Variants in LNX1 observed in about 807,000 individuals in gnomAD.
The protein encoded by LNX1 is ligand of numb-protein X 1.
LNX1 carries 54 observed loss-of-function variants against 68.4 expected under a neutral mutation model. The observed-to-expected ratio is 0.79, with a 90% CI of 0.63 to 0.99. The LOEUF (loss-of-function observed/expected upper bound fraction) is 0.99. LNX1 is among the 50% of genes least tolerant of loss of function. The probability of loss-of-function intolerance (pLI) is 0.00; values close to 1 mark genes in which losing one functional copy is unlikely to be tolerated. For synonymous variants in LNX1, 336 were observed against 350.0 expected (o/e 0.96, Z 0.45); for missense variants, 906 against 926.4 (o/e 0.98, Z 0.29).
intron 1 of LNX1, among the ~76,000 whole-genome samples, chr4:53,587,377 C>G (rs1732239008): frequency 1.3e-5 from 2 of 152,118 alleles, no homozygotes; most frequent in Admixed American, 1.3e-4. Context: ...ATCATATTAA[C>G]CCAGGAACAG....
At chr4:53,650,617 G>A (rs1735061172) in intron 1 of LNX1, among the ~76,000 whole-genome samples, 1 of 151,986 alleles carries the variant, frequency 6.6e-6, no homozygotes, top group African/African-American at 2.4e-5. Flanking sequence ...GAGGAAGCTG[G>A]GATTCAAAAT....
At chr4:53,478,772 A>G (rs779553215) in intron 7 of LNX1, 30 bp from the exon 8 acceptor site, 2 of 1,595,584 alleles carry the variant, frequency 1.3e-6, no homozygotes, top group Non-Finnish European at 1.7e-6. Flanking sequence ...AACATGGCAC[A>G]TGAATTCACA....
chr4:53,634,921 G>A (rs556343696), intron 1 of LNX1, among the ~76,000 whole-genome samples: 1 of 151,756 alleles, frequency 6.6e-6, no homozygotes, highest in South Asian at 2.1e-4. Flanking sequence ...CACTGCATGG[G>A]CTTAATTGAT....
At position 53,481,778 on chromosome 4, in the gene LNX1, C is replaced by A. The variant is rs1038902892; in HGVS notation, c.1427G>T (p.Gly476Val). 7 of 1,613,714 alleles carry A rather than the reference C, an allele frequency of 4.3e-6. No individual in the cohort carries two copies. The highest frequency in any genetic ancestry group is 5.9e-6 in the Non-Finnish European group (7 of 1,179,866). The stretch of plus-strand genomic sequence containing the variant: ...GGACCAGCTGCCATTGCTGTTCCAG[C>A]CGGCTTCCTGAAAGATGTCAGGGCT... ...QRSPDIFQEA[G>V]WNSNGSWSPG... The change falls in exon 7 of 11, where the codon GGC becomes GTC. Residue 476 changes from glycine to valine, a missense_variant. Coordinates refer to ENST00000263925, the MANE Select transcript of LNX1 (RefSeq NM_001126328.3).
intron 2 of LNX1, among the ~76,000 whole-genome samples, chr4:53,612,437 C>T (rs538495058): frequency 3.2e-4 from 49 of 152,262 alleles, no homozygotes; most frequent in African/African-American, 1.2e-3. Flanking sequence ...AGCTTGCTTC[C>T]TTTACTTTGT....
At chr4:53,614,679 C>G (rs1222899907) in intron 2 of LNX1, among the ~76,000 whole-genome samples, 1 of 152,170 alleles carries the variant, frequency 6.6e-6, no homozygotes, top group African/African-American at 2.4e-5. Context: ...TAATAAGCAG[C>G]CAAGAATGCT....
Position 53,496,079 on chromosome 4 carries a change from T to C in LNX1, c.1294A>G (p.Ile432Val). The C allele has an allele frequency of 6.2e-7, 1 of 1,614,204 alleles. No homozygotes were observed. Among genetic ancestry groups the C allele is most frequent in the Middle Eastern group, 1.6e-4 (1 of 6,062 alleles). ...CCATATCGAAGATCATGTCCATTGA[T>C]GGCTAACACACGGTCATTCTCCTCA... The part of the protein sequence containing the change: ...QLEENDRVLA[I>V]NGHDLRYGSP... The change falls in exon 6 of 11, where the codon ATC becomes GTC. Residue 432 changes from isoleucine (I) to valine (V), a missense_variant. Physicochemically the swap from Ile to Val is conservative, Grantham distance 29 (BLOSUM62 3). Transcript: ENST00000263925.
At chr4:53,523,338 G>A (rs946319446) in intron 2 of LNX1, 2 of 152,244 alleles carry the variant, frequency 1.3e-5, no homozygotes, top group Non-Finnish European at 2.9e-5. Context: ...CCAGGCTGAA[G>A]TAATATGGCA....
At chr4:53,482,750 A>G (rs767718343) in intron 6 of LNX1, among the ~76,000 whole-genome samples, 4 of 152,212 alleles carry the variant, frequency 2.6e-5, no homozygotes, top group Non-Finnish European at 5.9e-5. Context: ...TATTTGGTAC[A>G]GTGTACACTA....
At chr4:53,563,840 C>T (rs983949613) in intron 2 of LNX1, among the ~76,000 whole-genome samples, 3 of 152,212 alleles carry the variant, frequency 2.0e-5, no homozygotes, top group African/African-American at 7.2e-5. Flanking sequence ...GCCAGGTTAA[C>T]TTCAAATTCT....
At chr4:53,477,184 G>T (rs1388201091) in intron 8 of LNX1, among the ~76,000 whole-genome samples, 1 of 150,584 alleles carries the variant, frequency 6.6e-6, no homozygotes, top group Non-Finnish European at 1.5e-5. Context: ...CTTGTTTGGG[G>T]TTTTCTAAAG....
At chr4:53,634,252 CTTTT>C (rs35451950) in intron 1 of LNX1, among the ~76,000 whole-genome samples, 1 of 142,922 alleles carries the variant, frequency 7.0e-6, no homozygotes, top group Admixed American at 7.0e-5. Flanking sequence ...TCCAGCTTGG[CTTTT>C]TTTTTTTTTG....
chr4:53,490,455 A>G (rs1280041652), intron 6 of LNX1, among the ~76,000 whole-genome samples: 1 of 152,220 alleles, frequency 6.6e-6, no homozygotes, highest in Admixed American at 6.5e-5. Flanking sequence ...TCAGCACCAT[A>G]TTTGAGGCTT....
At chr4:53,596,900 A>G (rs1014926118) in intron 2 of LNX1, among the ~76,000 whole-genome samples, 5 of 152,202 alleles carry the variant, frequency 3.3e-5, no homozygotes, top group East Asian at 1.9e-4. Context: ...AAATCTGAGA[A>G]TGCAACTCTC....
chr4:53,591,147 G>C (rs1461652887), intron 1 of LNX1, among the ~76,000 whole-genome samples: 1 of 152,190 alleles, frequency 6.6e-6, no homozygotes, highest in South Asian at 2.1e-4. Context: ...ACAAGCACAG[G>C]CTGGATTAAT....
chr4:53,600,483 T>C (rs1732951737), intron 2 of LNX1, among the ~76,000 whole-genome samples: 2 of 152,046 alleles, frequency 1.3e-5, no homozygotes, highest in South Asian at 4.2e-4. Flanking sequence ...AAACACAGAT[T>C]ATGGCCAAGG....
At chr4:53,644,655 G>A (rs1734816179) in intron 1 of LNX1, among the ~76,000 whole-genome samples, 1 of 152,160 alleles carries the variant, frequency 6.6e-6, no homozygotes, top group Admixed American at 6.5e-5. Flanking sequence ...GGAGGGAGCG[G>A]GATTCCATGT....
intron 2 of LNX1, among the ~76,000 whole-genome samples, chr4:53,516,935 A>C (rs1579453333): frequency 6.6e-6 from 1 of 152,124 alleles, no homozygotes; most frequent in East Asian, 1.9e-4. Context: ...AGACTCCCTG[A>C]CCATCAATCC....
chr4:53,570,317 T>C (rs1318422680), intron 2 of LNX1, among the ~76,000 whole-genome samples: 3 of 149,734 alleles, frequency 2.0e-5, no homozygotes, highest in Non-Finnish European at 3.0e-5. Flanking sequence ...ATATACACCA[T>C]GGAATACTAT....
Sources: allele counts gnomAD v4.1 joint callset (sites outside exome capture counted in the v4.1 genomes callset), GRCh38; gene constraint gnomAD v4.1.1; transcripts MANE v1.5; gene names NCBI Gene and HGNC (gene_info 2026-07-23, HGNC 2026-07-21).